HDAC7: variants seen among roughly 807,000 people sequenced by gnomAD.
HDAC7 encodes histone deacetylase 7.
HDAC7 carries 26 observed loss-of-function variants against 115.5 expected under a neutral mutation model. The ratio of observed to expected loss-of-function variants is 0.23; its 90% CI spans 0.16 to 0.31. The LOEUF is 0.31. HDAC7 is among the 10% of genes least tolerant of loss of function. The pLI, the probability that HDAC7 is intolerant of heterozygous loss-of-function variation, is 1.00. For missense variants in HDAC7, 1,068 were observed against 1,329.0 expected (o/e 0.80, Z 3.05); for synonymous variants, 564 against 550.9 (o/e 1.02, Z -0.33).
intron 1 of HDAC7, among the ~76,000 whole-genome samples, chr12:47,805,050 G>A (rs1241407823): frequency 2.0e-5 from 3 of 151,142 alleles, no homozygotes; most frequent in Non-Finnish European, 2.9e-5. Flanking sequence ...CCCCCCTCCC[G>A]ATGCCTCCAG....
Position 47,819,749 on chromosome 12 carries a change from C to CTG in HDAC7, c.19+17_19+18insCA. ...GCCGCGCGCAGGGCGGGGCGGGGGGCGGCCGCCCAGTACTCACCAGCGCCG... is the reference window on the plus strand; with the variant it reads ...GCCGCGCGCAGGGCGGGGCGGGGGGCTGGGCCGCCCAGTACTCACCAGCGCCG... On this transcript the variant is annotated intron_variant, in intron 1 of 25. Transcript: ENST00000080059. 1 of 827,350 alleles carries CTG rather than the reference C, an allele frequency of 1.2e-6. No homozygotes were observed. Among genetic ancestry groups the CTG allele is most frequent in the Non-Finnish European group, 1.5e-6 (1 of 679,630 alleles). 51.3% of individuals were successfully genotyped at this position (827,350 alleles called of 1,614,324 possible).
intron 24 of HDAC7, chr12:47,784,781 GGCTCAGTGTGAGGGCAC>G: frequency 6.5e-7 from 1 of 1,535,428 alleles, no homozygotes; most frequent in Non-Finnish European, 8.7e-7. Flanking sequence ...CCTGGAATCT[GGCTCAGTGTGAGGGCAC>G]CCACCGTAAG....
intron 1 of HDAC7, among the ~76,000 whole-genome samples, chr12:47,815,341 A>G (rs1944821642): frequency 6.6e-6 from 1 of 152,218 alleles, no homozygotes; most frequent in South Asian, 2.1e-4. Flanking sequence ...ACACACACAC[A>G]GGGGGTACAT....
chr12:47,787,626 T>A, intron 21 of HDAC7, 86 bp downstream of exon 21: 1 of 883,340 alleles, frequency 1.1e-6, no homozygotes, highest in South Asian at 1.7e-5. Context: ...AGGCTGACAA[T>A]CCAACTGATC....
At chr12:47,792,883 G>C (rs573673422) in intron 13 of HDAC7, 1 of 360,368 alleles carries the variant, frequency 2.8e-6, no homozygotes, top group African/African-American at 2.1e-5. Context: ...TAGTTCATGT[G>C]TTCATGGCAT....
At chr12:47,807,168 G>A (rs1283827196) in intron 1 of HDAC7, among the ~76,000 whole-genome samples, 2 of 152,144 alleles carry the variant, frequency 1.3e-5, no homozygotes, top group African/African-American at 4.8e-5. Flanking sequence ...TCGAACCCCT[G>A]TCCTCAGGTG....
Position 47,802,266 on chromosome 12 carries a change from G to C in HDAC7, c.28C>G (p.Gln10Glu). 6 of 1,613,962 alleles carry C rather than the reference G, an allele frequency of 3.7e-6. No homozygotes were observed. Among genetic ancestry groups the C allele is most frequent in the Non-Finnish European group, 5.1e-6 (6 of 1,179,956 alleles). ...CAGTAGTGGGCACCCGGGCTCACCT[G>C]GGTCCCATCTGTAGAGAGAGAGACG... MHSPGADGTQVSPGAHYCSP... is the reference protein window; with the variant it reads MHSPGADGTEVSPGAHYCSP... The change falls in exon 2 of 26, where the codon CAG becomes GAG. Residue 10 changes from glutamine (Q) to glutamate (E), a missense_variant. By Grantham distance (29) the Gln-to-Glu change is conservative. Around this residue, in one of 6 missense-constraint regions of HDAC7, gnomAD observed 161 missense variants for 158.5 expected, o/e 1.02. Transcript: ENST00000080059.
intron 14 of HDAC7, 70 bp downstream of exon 14, chr12:47,791,801 G>GCCCCCCCCCCCCCCCCCCCCCAAAAAACC: frequency 6.6e-7 from 1 of 1,511,074 alleles, no homozygotes; most frequent in Non-Finnish European, 9.0e-7. Flanking sequence ...GGGCCCCAGG[G>GCCCCCCCCCCCCCCCCCCCCCAAAAAACC]CCCCCCACCC....
chr12:47,808,429 G>T (rs1367813395), intron 1 of HDAC7, among the ~76,000 whole-genome samples: 2 of 152,154 alleles, frequency 1.3e-5, no homozygotes, highest in Non-Finnish European at 2.9e-5. Context: ...CATCCTCCCT[G>T]GTTCTTTGTC....
intron 24 of HDAC7, chr12:47,784,833 T>A: frequency 3.4e-6 from 5 of 1,467,802 alleles, no homozygotes; most frequent in Non-Finnish European, 4.6e-6. Flanking sequence ...TCTTTACCAT[T>A]ATGTAAAGAC....
In HDAC7 at chr12:47,791,886, G is replaced by C. The variant is rs760646335; in HGVS notation, c.1797C>G (p.Leu599=). 1 of 1,577,242 alleles carries C rather than the reference G, an allele frequency of 6.3e-7. No individual in the cohort carries two copies. The highest frequency in any genetic ancestry group is 2.4e-5 in the East Asian group (1 of 42,414). The change falls in exon 14 of 26, where the codon CTC becomes CTG. Residue 599 remains leucine, a synonymous_variant. Transcript: ENST00000080059. ...GCCTCCTCACCTCACACTGGCTCCG[G>C]AGCCCCCGCTCCTGCAGCCGGGACC... is the stretch of plus-strand genomic sequence containing the variant. ...SIWSRLQERG[L]RSQCECLRGR...
rs1416255407 is a variant in HDAC7 at position 47,797,807 on chromosome 12, GA to G, written c.461+300del. Among the ~76,000 whole-genome samples the G allele has an allele frequency of 1.3e-5, 2 of 150,076 alleles. No individual in the cohort carries two copies. The highest frequency in any genetic ancestry group is 4.9e-5 in the African/African-American group (2 of 40,782). ...GAACCAGGACATTTTTGCGCTCAGGGAAAATATAAAGAGAGAAGGGGCTCAT... is the reference window on the plus strand; with the variant it reads ...GAACCAGGACATTTTTGCGCTCAGGGAAATATAAAGAGAGAAGGGGCTCAT... On this transcript the variant is annotated intron_variant, in intron 5 of 25. Transcript: ENST00000080059. This position sits in a 1 kb window ranked among gnomAD's most constrained non-coding sequence, Gnocchi z 5.5.
intron 16 of HDAC7, 65 bp from the exon 17 acceptor site, chr12:47,789,985 G>T: frequency 1.6e-6 from 2 of 1,270,304 alleles, no homozygotes; most frequent in Non-Finnish European, 2.3e-6. Context: ...GGCCCAAGGG[G>T]GTGGTCCCCA....
Position 47,795,055 on chromosome 12 carries a change from G to A in HDAC7, c.1285-122C>T, listed in dbSNP as rs1218842204. 4.6e-6 allele frequency: 6 copies of A among 1,313,538 alleles called. No individual in the cohort carries two copies. The highest frequency in any genetic ancestry group is 5.3e-6 in the Non-Finnish European group (5 of 940,648). The allele number at this position is 1,313,538 out of a possible 1,614,324, so 81.4% of individuals were successfully genotyped here. A position where few individuals can be genotyped will look rare whatever the true frequency, so the allele number is the denominator to read the frequency against. On this transcript the variant is annotated intron_variant, in intron 11 of 25. Transcript: ENST00000080059. The surrounding 1 kb of genome is among the most constrained non-coding windows in gnomAD (Gnocchi z 4.3). The stretch of plus-strand genomic sequence containing the variant: ...GACTCCAGCTGCCATGCAGCTCTGG[G>A]CCCCAAGAAGCCACATCCCCCTCTT...
rs914259924 is a variant in HDAC7, at chr12:47,795,668, C to T, written c.1006G>A (p.Glu336Lys). 14 of 1,552,382 alleles carry T rather than the reference C, an allele frequency of 9.0e-6. No homozygotes were observed. The highest frequency in any genetic ancestry group is 7.8e-6 in the Non-Finnish European group (9 of 1,147,764). The change falls in exon 10 of 26, where the codon GAG (glutamate) becomes AAG (lysine). Residue 336 changes from glutamate to lysine, a missense_variant. Physicochemically the swap from Glu to Lys is moderately conservative, Grantham distance 56. Coordinates refer to ENST00000080059, the MANE Select transcript of HDAC7 (RefSeq NM_015401.5). The surrounding 1 kb of genome is among the most constrained non-coding windows in gnomAD (Gnocchi z 4.3). ...CGAGAGGGCAAGGTGCCCCCAGCCT[C>T]GGGCTCCAAGCCATGGGGCAGGAAG... ...PLFLPHGLEP[E>K]AGGTLPSRLQ...
chr12:47,782,923 CA>C lies in HDAC7; in HGVS notation c.*917del. 6.5e-6 allele frequency: 1 copy of C among 153,264 alleles called. No homozygotes were observed. The highest frequency in any genetic ancestry group is 2.4e-5 in the African/African-American group (1 of 41,554). The allele number at this position is 153,264 out of a possible 1,614,324, so 9.5% of individuals were successfully genotyped here. A position where few individuals can be genotyped will look rare whatever the true frequency, so the allele number is the denominator to read the frequency against. On this transcript the variant is annotated 3_prime_UTR_variant, in exon 26 of 26. Transcript: ENST00000080059. ...CTTCTTGACCCCAGGCCTGGACCCC[CA>C]AAAGCCTTGAAGACTTTGCCAGAGC...
At chr12:47,789,944 C>T (rs760135774) in intron 16 of HDAC7, 24 bp from the exon 17 acceptor site, 24 of 1,550,504 alleles carry the variant, frequency 1.5e-5, no homozygotes, top group African/African-American at 2.7e-5. Flanking sequence ...AGTCAGGGCC[C>T]GCATCATCCA....
rs1449626202 is a variant in HDAC7 at position 47,794,877 on chromosome 12, G to C, written c.1341C>G (p.Asp447Glu). 2.5e-6 allele frequency: 4 copies of C among 1,613,400 alleles called. No homozygotes were observed. The highest frequency in any genetic ancestry group is 1.7e-4 in the Middle Eastern group (1 of 6,058). The change falls in exon 12 of 26, where the codon GAC becomes GAG. Residue 447 changes from aspartate to glutamate, a missense_variant. By Grantham distance (45) the Asp-to-Glu change is conservative. Around this residue, in one of 6 missense-constraint regions of HDAC7, gnomAD observed 618 missense variants for 701.5 expected, o/e 0.88. Transcript: ENST00000080059. ...CCGGTCCCCCGCCATCTGTCTCCAG[G>C]TCTTCAGCCGAGGGTATCTGCCGCA... Reference protein sequence around the residue: ...PRLRQIPSAEDLETDGGGPGQ... With the variant: ...PRLRQIPSAEELETDGGGPGQ...
chr12:47,795,373 C>A lies in HDAC7; in HGVS notation c.1095G>T (p.Gly365=). 1 of 1,596,624 alleles carries A rather than the reference C, an allele frequency of 6.3e-7. No individual in the cohort carries two copies. Among genetic ancestry groups the A allele is most frequent in the Non-Finnish European group, 8.5e-7 (1 of 1,171,400 alleles). ...GSHAPLLTVP[G]LGPLPFHFAQ... ...CAAAGTGGAAGGGCAAGGGCCCAAG[C>A]CCGGGCACTGGAAAGAATCGGGGGG... The change falls in exon 11 of 26, where the codon GGG becomes GGT. Residue 365 remains glycine (G), a synonymous_variant. Coordinates refer to ENST00000080059, the MANE Select transcript of HDAC7 (RefSeq NM_015401.5). The surrounding 1 kb of genome is among the most constrained non-coding windows in gnomAD (Gnocchi z 4.3).
Sources: gnomAD v4.1 joint callset for allele counts (sites outside exome capture counted in the v4.1 genomes callset) on GRCh38, gnomAD v4.1.1 for gene constraint, gnomAD v4.1.1 regional missense constraint, Gnocchi (gnomAD v3.1) non-coding constraint, MANE v1.5 for transcripts, NCBI Gene and HGNC (gene_info 2026-07-23, HGNC 2026-07-21) for gene names.